Variants in ALCAM observed in about 807,000 individuals in gnomAD.
The protein encoded by ALCAM is activated leukocyte cell adhesion molecule, also known as CD166 antigen.
ALCAM carries 30 observed loss-of-function variants against 70.9 expected under a neutral mutation model. That is an observed-to-expected ratio of 0.42 (90% CI 0.32 to 0.57). The LOEUF (loss-of-function observed/expected upper bound fraction) is 0.57, where lower values mean the gene tolerates loss of function less well. Among genes scored for constraint, ALCAM ranks in the 20% least tolerant of loss-of-function variants. The probability of loss-of-function intolerance (pLI) is 0.11; values close to 1 mark genes in which losing one functional copy is unlikely to be tolerated. For synonymous variants in ALCAM, 249 were observed against 242.5 expected, an observed-to-expected ratio of 1.03 and a Z score of -0.25; for missense variants, 591 against 695.1, an observed-to-expected ratio of 0.85 and a Z score of 1.68.
chr3:105,549,170 G>A (rs1384164747), intron 11 of ALCAM, among the ~76,000 whole-genome samples: 1 of 151,498 alleles, frequency 6.6e-6, no homozygotes, highest in Non-Finnish European at 1.5e-5. Context: ...GAGAAAGATT[G>A]ATTCTGGCCC....
intron 1 of ALCAM, among the ~76,000 whole-genome samples, chr3:105,464,178 AT>A (rs1027870302): frequency 1.3e-5 from 2 of 151,296 alleles, no homozygotes; most frequent in East Asian, 1.9e-4. Context: ...TAAAATTAAG[AT>A]TTTTTTAATT....
intron 14 of ALCAM, 147 bp downstream of exon 14, chr3:105,552,732 T>C: frequency 6.8e-7 from 1 of 1,477,826 alleles, no homozygotes; most frequent in South Asian, 1.4e-5. Context: ...ATATTTTGTT[T>C]CAACTAATTT....
At chr3:105,377,228 G>T (rs975575) in intron 1 of ALCAM, among the ~76,000 whole-genome samples, 146,635 of 152,160 alleles carry the variant, frequency 0.96, 70,872 homozygotes, top group East Asian at 1. Flanking sequence ...CATCATTAAT[G>T]TAACCATTTC....
chr3:105,499,541 TAAAGA>T (rs1433442161), intron 1 of ALCAM, among the ~76,000 whole-genome samples: 5 of 152,226 alleles, frequency 3.3e-5, no homozygotes, highest in African/African-American at 7.2e-5. Context: ...CTTATCTTGC[TAAAGA>T]AAAGAAATAT....
chr3:105,485,404 C>T (rs1415255036), intron 1 of ALCAM, among the ~76,000 whole-genome samples: 1 of 151,538 alleles, frequency 6.6e-6, no homozygotes, highest in Non-Finnish European at 1.5e-5. Flanking sequence ...TGTGCGCGCA[C>T]ATCCACATGT....
chr3:105,452,584 A>G (rs967123879), intron 1 of ALCAM, among the ~76,000 whole-genome samples: 2 of 152,226 alleles, frequency 1.3e-5, no homozygotes, highest in Non-Finnish European at 2.9e-5. Flanking sequence ...CTTTGGGTAT[A>G]TACCCAGTAA....
chr3:105,445,111 A>C (rs950612796), intron 1 of ALCAM, among the ~76,000 whole-genome samples: 1 of 152,234 alleles, frequency 6.6e-6, no homozygotes, highest in African/African-American at 2.4e-5. Context: ...AATATTGAAG[A>C]AATAAAATTA....
intron 1 of ALCAM, among the ~76,000 whole-genome samples, chr3:105,497,223 G>T (rs1938770803): frequency 6.6e-6 from 1 of 152,098 alleles, no homozygotes; most frequent in South Asian, 2.1e-4. Flanking sequence ...ATATACTGAA[G>T]ACAAGAAATA....
intron 1 of ALCAM, among the ~76,000 whole-genome samples, chr3:105,376,766 A>G (rs1935389220): frequency 6.6e-6 from 1 of 152,216 alleles, no homozygotes; most frequent in Non-Finnish European, 1.5e-5. Flanking sequence ...TATCTGAGCT[A>G]CGTGCTGAGG....
At chr3:105,379,623 T>A (rs1010507741) in intron 1 of ALCAM, among the ~76,000 whole-genome samples, 2 of 151,830 alleles carry the variant, frequency 1.3e-5, no homozygotes, top group African/African-American at 4.8e-5. Context: ...GTTACAATGC[T>A]GTCATTTTGA....
intron 1 of ALCAM, among the ~76,000 whole-genome samples, chr3:105,428,249 A>G (rs1936840054): frequency 6.6e-6 from 1 of 151,920 alleles, no homozygotes; most frequent in Non-Finnish European, 1.5e-5. Flanking sequence ...CTTCTTACAG[A>G]ACAGTGATCC....
intron 12 of ALCAM, 133 bp downstream of exon 12, chr3:105,550,392 A>G (rs1940363156): frequency 3.3e-6 from 3 of 913,978 alleles, no homozygotes; most frequent in African/African-American, 1.7e-5. Flanking sequence ...ATTTGGTATC[A>G]TCATCATAAG....
intron 1 of ALCAM, among the ~76,000 whole-genome samples, chr3:105,493,472 A>T (rs1938644682): frequency 6.6e-6 from 1 of 152,190 alleles, no homozygotes; most frequent in Admixed American, 6.5e-5. Flanking sequence ...GGTTAAGGGC[A>T]TTGAGATGAG....
chr3:105,431,707 C>T (rs769363224), intron 1 of ALCAM, among the ~76,000 whole-genome samples: 3 of 152,038 alleles, frequency 2.0e-5, no homozygotes, highest in East Asian at 1.9e-4. Context: ...TACAAAGGAA[C>T]GAGTCTAAGC....
intron 1 of ALCAM, among the ~76,000 whole-genome samples, chr3:105,421,904 A>G (rs1936660071): frequency 6.6e-6 from 1 of 151,192 alleles, no homozygotes; most frequent in Non-Finnish European, 1.5e-5. Flanking sequence ...GGTGAGTTAC[A>G]TAGGTGAATT....
intron 1 of ALCAM, among the ~76,000 whole-genome samples, chr3:105,498,765 A>G (rs989998710): frequency 1.3e-5 from 2 of 152,202 alleles, no homozygotes; most frequent in Non-Finnish European, 2.9e-5. Flanking sequence ...TAAAACAGAA[A>G]TTCAAATGAA....
Position 105,367,469 on chromosome 3 carries a change from G to A in ALCAM, c.61G>A (p.Val21Ile), listed in dbSNP as rs774589075. 1 of 1,614,036 alleles carries A rather than the reference G, an allele frequency of 6.2e-7. No individual in the cohort carries two copies. Among genetic ancestry groups the A allele is most frequent in the Non-Finnish European group, 8.5e-7 (1 of 1,179,936 alleles). Reference protein sequence around the residue: ...LLFCLLISATVFRPGLGWYTV... With the variant: ...LLFCLLISATIFRPGLGWYTV... ...CTTCTGCCTCTTGATCTCCGCCACCGTCTTCAGGCCAGGTGAGCAAGGGCC... is the reference window on the plus strand; with the variant it reads ...CTTCTGCCTCTTGATCTCCGCCACCATCTTCAGGCCAGGTGAGCAAGGGCC... The change falls in exon 1 of 16, where the codon GTC becomes ATC. Residue 21 changes from valine to isoleucine, a missense_variant. Physicochemically the swap from Val to Ile is conservative, Grantham distance 29. Transcript: ENST00000306107.
intron 1 of ALCAM, among the ~76,000 whole-genome samples, chr3:105,516,718 G>A (rs1487697574): frequency 1.3e-5 from 2 of 152,018 alleles, no homozygotes; most frequent in African/African-American, 4.8e-5. Flanking sequence ...TAATACAGAA[G>A]GTTCTAGTCC....
chr3:105,460,732 A>T (rs1293894354), intron 1 of ALCAM, among the ~76,000 whole-genome samples: 1 of 151,954 alleles, frequency 6.6e-6, no homozygotes, highest in Non-Finnish European at 1.5e-5. Context: ...CTTGGGAAAT[A>T]TTTGGGTACA....
Sources: gnomAD v4.1 joint callset for allele counts (sites outside exome capture counted in the v4.1 genomes callset) on GRCh38, gnomAD v4.1.1 for gene constraint, MANE v1.5 for transcripts, NCBI Gene and HGNC (gene_info 2026-07-23, HGNC 2026-07-21) for gene names.